CLRN1: variants seen among roughly 807,000 people sequenced by gnomAD.
The protein encoded by CLRN1 is clarin-1.
In CLRN1, 15 loss-of-function variants were observed where a neutral mutation model predicts 18.7. The ratio of observed to expected loss-of-function variants is 0.80; its 90% CI spans 0.54 to 1.23. CLRN1 has a LOEUF of 1.23. Among genes scored for constraint, CLRN1 ranks in the 50% most tolerant of loss-of-function variants. The pLI is 0.00. For synonymous variants in CLRN1, 104 were observed against 102.9 expected, an observed-to-expected ratio of 1.01 and a Z score of -0.07; for missense variants, 311 against 277.5, an observed-to-expected ratio of 1.12 and a Z score of -0.86.
chr3:150,963,169 C>T (rs540281623), intron 1 of CLRN1, among the ~76,000 whole-genome samples: 3 of 152,244 alleles, frequency 2.0e-5, no homozygotes, highest in Non-Finnish European at 2.9e-5. Flanking sequence ...AAAACCCTGT[C>T]GTCTCAGCCC....
intron 2 of CLRN1, among the ~76,000 whole-genome samples, chr3:150,939,730 T>C (rs1481416147): frequency 6.6e-6 from 1 of 152,218 alleles, no homozygotes; most frequent in African/African-American, 2.4e-5. Context: ...AAATTCTGTG[T>C]AATGGTCATC....
intron 2 of CLRN1, among the ~76,000 whole-genome samples, chr3:150,928,729 GA>G: frequency 6.6e-6 from 1 of 152,214 alleles, no homozygotes; most frequent in East Asian, 1.9e-4. Context: ...CTGCACAAAG[GA>G]AAAGGTAGCT....
intron 2 of CLRN1, chr3:150,941,344 C>T (rs1045725235): frequency 1.1e-5 from 5 of 454,752 alleles, no homozygotes; most frequent in African/African-American, 2.0e-5. Context: ...TTGATTACAT[C>T]TTCAAAAATA....
At chr3:150,948,303 T>C (rs1576636303) in intron 1 of CLRN1, among the ~76,000 whole-genome samples, 1 of 151,194 alleles carries the variant, frequency 6.6e-6, no homozygotes, top group Admixed American at 6.6e-5. Context: ...GCTAACACGG[T>C]GAAACCCCGT....
At chr3:150,966,676 T>C (rs1715274462) in intron 1 of CLRN1, among the ~76,000 whole-genome samples, 1 of 152,184 alleles carries the variant, frequency 6.6e-6, no homozygotes, top group Non-Finnish European at 1.5e-5. Context: ...TAAAAGATTG[T>C]AATGGGAGAG....
intron 1 of CLRN1, among the ~76,000 whole-genome samples, chr3:150,969,314 T>TATATATATATATATATATATATA (rs1491446852): frequency 1.4e-4 from 5 of 35,880 alleles, no homozygotes; most frequent in Non-Finnish European, 9.3e-5. Context: ...TATATATATA[T>TATATATATATATATATATATATA]TTTTTTTTTT....
At chr3:150,928,253 A>T in intron 2 of CLRN1, 52 bp from the exon 3 acceptor site, 1 of 1,606,882 alleles carries the variant, frequency 6.2e-7, no homozygotes, top group South Asian at 1.1e-5. Flanking sequence ...ATTGTAAGGG[A>T]CAGGGAAGAG....
chr3:150,932,727 C>T (rs1401497862), intron 2 of CLRN1, among the ~76,000 whole-genome samples: 1 of 152,164 alleles, frequency 6.6e-6, no homozygotes, highest in African/African-American at 2.4e-5. Flanking sequence ...AGTAAGGTCA[C>T]CAGCAATGAT....
chr3:150,965,241 CCT>C (rs1715210411), intron 1 of CLRN1, among the ~76,000 whole-genome samples: 1 of 152,026 alleles, frequency 6.6e-6, no homozygotes, highest in African/African-American at 2.4e-5. Context: ...ATTGTGGTGA[CCT>C]CTCTGTTTCC....
chr3:150,937,561 G>T (rs577085064), intron 2 of CLRN1, among the ~76,000 whole-genome samples: 2 of 152,022 alleles, frequency 1.3e-5, no homozygotes, highest in African/African-American at 2.4e-5. Context: ...TCAAAGAAGC[G>T]AATCACTGCC....
rs1472310085 is a variant in CLRN1 at position 150,927,501 on chromosome 3, T to A, written c.*435A>T. 8.8e-6 allele frequency: 4 copies of A among 454,084 alleles called. No homozygotes were observed. The highest frequency in any genetic ancestry group is 2.0e-5 in the African/African-American group (1 of 50,002). 28.1% of individuals were successfully genotyped at this position (454,084 alleles called of 1,614,324 possible). On this transcript the variant is annotated 3_prime_UTR_variant, in exon 3 of 3. Transcript: ENST00000327047. ...AGATGTTCATTTAATACACTACTGT[T>A]TTAGGAAAGCGATTGCAGCTCAGTT... is the stretch of plus-strand genomic sequence containing the variant.
At chr3:150,968,817 A>T (rs78881196) in intron 1 of CLRN1, among the ~76,000 whole-genome samples, 1 of 152,144 alleles carries the variant, frequency 6.6e-6, no homozygotes, top group African/African-American at 2.4e-5. Flanking sequence ...CAGTAGCCAT[A>T]AAAATGAGCA....
At chr3:150,960,878 C>G (rs1377414029) in intron 1 of CLRN1, among the ~76,000 whole-genome samples, 2 of 152,262 alleles carry the variant, frequency 1.3e-5, no homozygotes, top group Non-Finnish European at 2.9e-5. Flanking sequence ...CAGGGCCAGA[C>G]AGCTGAAGGC....
intron 1 of CLRN1, among the ~76,000 whole-genome samples, chr3:150,954,447 C>T (rs530885802): frequency 6.6e-6 from 1 of 152,244 alleles, no homozygotes; most frequent in South Asian, 2.1e-4. Context: ...GTGTTTGTAT[C>T]TTTTGTGCAT....
chr3:150,933,701 C>T (rs1713294449), intron 2 of CLRN1, among the ~76,000 whole-genome samples: 1 of 152,116 alleles, frequency 6.6e-6, no homozygotes. Context: ...CTCTTTGCAA[C>T]TGTGATAGAA....
chr3:150,959,484 C>T (rs942980244), intron 1 of CLRN1, among the ~76,000 whole-genome samples: 6 of 151,950 alleles, frequency 3.9e-5, no homozygotes, highest in Admixed American at 2.6e-4. Context: ...CAAAAATTAG[C>T]CAGGTGCAGT....
At chr3:150,966,908 G>A (rs1715286187) in intron 1 of CLRN1, among the ~76,000 whole-genome samples, 1 of 152,192 alleles carries the variant, frequency 6.6e-6, no homozygotes, top group Non-Finnish European at 1.5e-5. Context: ...GTCTAGAACA[G>A]CGAGCCCCTC....
At chr3:150,940,951 C>T (rs528771623) in intron 2 of CLRN1, among the ~76,000 whole-genome samples, 9 of 152,198 alleles carry the variant, frequency 5.9e-5, no homozygotes, top group Admixed American at 3.9e-4. Flanking sequence ...CATATGTGGG[C>T]GGAACACTGG....
chr3:150,947,021 CTGAG>C (rs1432271680), intron 1 of CLRN1, among the ~76,000 whole-genome samples: 1 of 151,138 alleles, frequency 6.6e-6, no homozygotes, highest in African/African-American at 2.4e-5. Context: ...TGGACATGGA[CTGAG>C]TATTAGATGA....
Sources: gnomAD v4.1 joint callset for allele counts (sites outside exome capture counted in the v4.1 genomes callset) on GRCh38, gnomAD v4.1.1 for gene constraint, MANE v1.5 for transcripts, NCBI Gene and HGNC (gene_info 2026-07-23, HGNC 2026-07-21) for gene names.